DEK: variants seen among roughly 807,000 people sequenced by gnomAD.
DEK encodes DEK proto-oncogene.
Under a neutral mutation model 46.8 loss-of-function variants are expected in DEK, and 28 were observed. The observed-to-expected ratio is 0.60, with a 90% CI of 0.44 to 0.82. DEK has a LOEUF of 0.82. Ranked by LOEUF, DEK falls within the 40% of genes least tolerant of loss-of-function variation. The pLI is 0.00. For synonymous variants in DEK, 160 were observed against 144.5 expected (o/e 1.11, Z -0.77); for missense variants, 416 against 430.6 (o/e 0.97, Z 0.30).
intron 7 of DEK, among the ~76,000 whole-genome samples, chr6:18,239,072 G>C (rs1025856838): frequency 1.3e-5 from 2 of 152,026 alleles, no homozygotes; most frequent in East Asian, 3.9e-4. Flanking sequence ...TTACAGGCAT[G>C]CGCCACCACA....
At chr6:18,251,829 G>GTA (rs1276268185) in intron 6 of DEK, among the ~76,000 whole-genome samples, 2 of 152,006 alleles carry the variant, frequency 1.3e-5, no homozygotes, top group East Asian at 3.9e-4. Context: ...GATGTAATCT[G>GTA]TATATCGAAT....
chr6:18,252,465 TACC>T (rs1411142996), intron 6 of DEK, among the ~76,000 whole-genome samples: 1 of 119,484 alleles, frequency 8.4e-6, no homozygotes, highest in East Asian at 2.6e-4. Flanking sequence ...GCCATGATTG[TACC>T]ACAACACTCC....
chr6:18,240,951 T>A (rs1236720605), intron 7 of DEK, among the ~76,000 whole-genome samples: 1 of 152,210 alleles, frequency 6.6e-6, no homozygotes, highest in Non-Finnish European at 1.5e-5. Context: ...CAAACATCTA[T>A]AGTAATACGT....
chr6:18,256,867 G>A (rs974497460), intron 4 of DEK, among the ~76,000 whole-genome samples: 1 of 152,092 alleles, frequency 6.6e-6, no homozygotes, highest in Admixed American at 6.5e-5. Context: ...TTCTTTCAAA[G>A]TAAAGAATAG....
chr6:18,224,029 C>G lies in DEK; in HGVS notation c.*1690G>C. 1 of 155,970 alleles carries G rather than the reference C, an allele frequency of 6.4e-6. No individual in the cohort carries two copies. Among genetic ancestry groups the G allele is most frequent in the Non-Finnish European group, 1.4e-5 (1 of 70,336 alleles). 9.7% of individuals were successfully genotyped at this position (155,970 alleles called of 1,614,324 possible). A position where few individuals can be genotyped will look rare whatever the true frequency, so the allele number is the denominator to read the frequency against. Reference sequence around the variant, plus strand: ...ATTATTCAGTTTTGTGAAGTCACTCCAAGAAAATGGTCCATTACCACAAAA... The same window carrying G: ...ATTATTCAGTTTTGTGAAGTCACTCGAAGAAAATGGTCCATTACCACAAAA... On this transcript the variant is annotated 3_prime_UTR_variant, in exon 11 of 11. Coordinates refer to ENST00000652689, the MANE Select transcript of DEK (RefSeq NM_003472.4).
At chr6:18,264,048 G>A (rs767921014) in intron 1 of DEK, 52 bp from the exon 2 acceptor site, 244 of 1,511,458 alleles carry the variant, frequency 1.6e-4, no homozygotes, top group Non-Finnish European at 1.6e-4. Flanking sequence ...CCCGCAGGCA[G>A]GACCGGGCGG....
chr6:18,238,525 T>A (rs1186267371), intron 7 of DEK, among the ~76,000 whole-genome samples: 1 of 151,804 alleles, frequency 6.6e-6, no homozygotes, highest in Non-Finnish European at 1.5e-5. Context: ...GGTGAAACAC[T>A]GTCTCTCCTA....
intron 6 of DEK, among the ~76,000 whole-genome samples, chr6:18,250,406 T>C (rs947805469): frequency 3.3e-5 from 5 of 151,830 alleles, no homozygotes; most frequent in Non-Finnish European, 2.9e-5. Flanking sequence ...GAGGCAGAGT[T>C]TGCAGTGAGC....
At chr6:18,263,259 C>T (rs1332972864) in intron 2 of DEK, among the ~76,000 whole-genome samples, 1 of 152,152 alleles carries the variant, frequency 6.6e-6, no homozygotes, top group Non-Finnish European at 1.5e-5. Flanking sequence ...ATTTAACTTT[C>T]TTTCAGAGTT....
At position 18,258,361 on chromosome 6, in the gene DEK, C is replaced by G; in HGVS notation, c.190G>C (p.Glu64Gln). The G allele has an allele frequency of 6.2e-7, 1 of 1,613,474 alleles. No homozygotes were observed. The highest frequency in any genetic ancestry group is 1.3e-5 in the African/African-American group (1 of 75,042). Residue 64 changes from glutamate to glutamine, a missense_variant, in exon 3 of 11, where the codon GAG becomes CAG. Coordinates refer to ENST00000652689, the MANE Select transcript of DEK (RefSeq NM_003472.4). ...VEGKREKKKV[E>Q]RLTMQVSSLQ... ...GAAGAGACTTGCATTGTCAACCTCTCTACTTTTTTCTTTTCCCTCTTGCCT... is the reference window on the plus strand; with the variant it reads ...GAAGAGACTTGCATTGTCAACCTCTGTACTTTTTTCTTTTCCCTCTTGCCT...
intron 10 of DEK, 183 bp downstream of exon 10, chr6:18,225,991 T>C (rs1347092227): frequency 1.3e-6 from 1 of 752,766 alleles, no homozygotes; most frequent in East Asian, 3.1e-5. Context: ...TCACTAACTG[T>C]TCAAACTTTA....
intron 6 of DEK, among the ~76,000 whole-genome samples, 180 bp from the exon 7 acceptor site, chr6:18,250,019 T>C (rs1791298672): frequency 1.3e-5 from 2 of 152,186 alleles, no homozygotes; most frequent in African/African-American, 2.4e-5. Flanking sequence ...GTGTTACTAA[T>C]ACCATTTGTG....
chr6:18,235,490 G>A (rs1408748717), intron 9 of DEK, among the ~76,000 whole-genome samples: 1 of 152,184 alleles, frequency 6.6e-6, no homozygotes, highest in Non-Finnish European at 1.5e-5. Context: ...CCAGCCTCAA[G>A]TAGGGTGCTT....
intron 9 of DEK, among the ~76,000 whole-genome samples, chr6:18,234,218 T>G (rs943112974): frequency 6.6e-6 from 1 of 150,964 alleles, no homozygotes; most frequent in Non-Finnish European, 1.5e-5. Flanking sequence ...GGGATAGCAT[T>G]AGGAGATACA....
chr6:18,256,358 T>A lies in DEK; in HGVS notation c.452+3A>T, dbSNP rs1448342432. 1 of 1,604,534 alleles carries A rather than the reference T, an allele frequency of 6.2e-7. No homozygotes were observed. The highest frequency in any genetic ancestry group is 1.3e-5 in the African/African-American group (1 of 74,588). ...AAATACAGTATTTATAAAAATAACT[T>A]ACTTTTTCAACATTTCTTCCTTCTT... On this transcript the variant is annotated splice_donor_region_variant and intron_variant, in intron 5 of 10. Coordinates refer to ENST00000652689, the MANE Select transcript of DEK (RefSeq NM_003472.4).
At chr6:18,260,190 A>G (rs1007724648) in intron 2 of DEK, among the ~76,000 whole-genome samples, 3 of 152,174 alleles carry the variant, frequency 2.0e-5, no homozygotes, top group African/African-American at 7.2e-5. Context: ...CATATACTTT[A>G]TATCATCTGT....
At position 18,256,468 on chromosome 6, in the gene DEK, C is replaced by T. The variant is rs778102631; in HGVS notation, c.358-13G>A. 6.2e-7 allele frequency: 1 copy of T among 1,601,942 alleles called. No individual in the cohort carries two copies. Among genetic ancestry groups the T allele is most frequent in the Non-Finnish European group, 8.5e-7 (1 of 1,172,992 alleles). The stretch of plus-strand genomic sequence containing the variant: ...TTAATGAGGACACCTGAAAATGTTC[C>T]TTATTATTAATGGTATTTATTACCC... On this transcript the variant is annotated splice_polypyrimidine_tract_variant and intron_variant, in intron 4 of 10. Transcript: ENST00000652689.
rs1334288853 is a variant in DEK at position 18,223,946 on chromosome 6, A to ATACTC, written c.*1768_*1772dup. On this transcript the variant is annotated 3_prime_UTR_variant, in exon 11 of 11. Coordinates refer to ENST00000652689, the MANE Select transcript of DEK (RefSeq NM_003472.4). The stretch of plus-strand genomic sequence containing the variant: ...AACAACTCCATTTCCTCACTTCCAA[A>ATACTC]TACTCTATGCATGACTACTTACCTT... The ATACTC allele has an allele frequency of 2.6e-5, 4 of 152,354 alleles. No individual in the cohort carries two copies. The highest frequency in any genetic ancestry group is 4.8e-5 in the African/African-American group (2 of 41,454). The allele number at this position is 152,354 out of a possible 1,614,324, so 9.4% of individuals were successfully genotyped here. A position where few individuals can be genotyped will look rare whatever the true frequency, so the allele number is the denominator to read the frequency against.
At position 18,249,746 on chromosome 6, in the gene DEK, G is replaced by A. The variant is rs926824535; in HGVS notation, c.667C>T (p.Pro223Ser). 13 of 1,613,230 alleles carry A rather than the reference G, an allele frequency of 8.1e-6. No homozygotes were observed. The highest frequency in any genetic ancestry group is 1.1e-5 in the Non-Finnish European group (13 of 1,179,852). Reference sequence around the variant, plus strand: ...CTAGATTCATCTGACAGAATTTCAGGACATTTGGTTCGCTTAGCCTTCCTT... The same window carrying A: ...CTAGATTCATCTGACAGAATTTCAGAACATTTGGTTCGCTTAGCCTTCCTT... ...MARKAKRTKC[P>S]EILSDESSSD... Residue 223 changes from proline (P) to serine (S), a missense_variant, in exon 7 of 11, where the codon CCT becomes TCT. By Grantham distance (74) the Pro-to-Ser change is moderately conservative. Transcript: ENST00000652689.
Sources: allele counts gnomAD v4.1 joint callset (sites outside exome capture counted in the v4.1 genomes callset), GRCh38; gene constraint gnomAD v4.1.1; transcripts MANE v1.5; gene names NCBI Gene and HGNC (gene_info 2026-07-23, HGNC 2026-07-21).